Variants in CPLANE1 observed in about 807,000 individuals in gnomAD.
CPLANE1 encodes the protein ciliogenesis and planar polarity effector 1.
A neutral mutation model predicts 362.5 loss-of-function variants in CPLANE1; 263 were observed. The observed-to-expected ratio is 0.73, with a 90% confidence interval of 0.66 to 0.80. The LOEUF is 0.80. CPLANE1 is among the 30% of genes least tolerant of loss of function. CPLANE1 has a pLI of 0.00. For missense variants in CPLANE1, 3,461 were observed against 3,793.4 expected (o/e 0.91, Z 2.30); for synonymous variants, 1,212 against 1,302.6 (o/e 0.93, Z 1.50).
intron 21 of CPLANE1, among the ~76,000 whole-genome samples, chr5:37,188,838 T>C (rs1461791233): frequency 6.6e-6 from 1 of 152,140 alleles, no homozygotes; most frequent in Non-Finnish European, 1.5e-5. Context: ...TATGCCTTAA[T>C]TGTTTATTTT....
chr5:37,224,391 T>C, intron 13 of CPLANE1, 58 bp from the exon 14 acceptor site: 2 of 1,366,646 alleles, frequency 1.5e-6, no homozygotes, highest in Non-Finnish European at 2.0e-6. Context: ...CATAAAAATT[T>C]ACTTTGTTTT....
intron 32 of CPLANE1, 105 bp from the exon 33 acceptor site, chr5:37,170,436 T>C: frequency 8.3e-7 from 1 of 1,204,160 alleles, no homozygotes; most frequent in Non-Finnish European, 1.1e-6. Context: ...ACGTTTGTCT[T>C]AATATCTATG....
At chr5:37,194,042 C>G (rs1423139776) in intron 21 of CPLANE1, among the ~76,000 whole-genome samples, 1 of 151,944 alleles carries the variant, frequency 6.6e-6, no homozygotes, top group Non-Finnish European at 1.5e-5. Context: ...CTGCTTCAGC[C>G]TCTCGAGTAG....
intron 16 of CPLANE1, among the ~76,000 whole-genome samples, chr5:37,206,825 C>T (rs1790896439): frequency 6.6e-6 from 1 of 151,814 alleles, no homozygotes; most frequent in Non-Finnish European, 1.5e-5. Flanking sequence ...ACATGGGTCA[C>T]AATGTGCAAT....
In CPLANE1 at chr5:37,177,627, T is replaced by C. The variant is rs2151066033; in HGVS notation, c.5894A>G (p.Gln1965Arg). Residue 1965 changes from glutamine (Q) to arginine (R), a missense_variant, in exon 30 of 53, where the codon CAA becomes CGA. By Grantham distance (43) the Gln-to-Arg change is conservative. Coordinates refer to ENST00000651892, the MANE Select transcript of CPLANE1 (RefSeq NM_001384732.1). ...ATACTTTTTTCCCCCTTACCCTTTT[T>C]GTTCAGTCGATTTTTCCTCCATAAT... is the stretch of plus-strand genomic sequence containing the variant. The part of the protein sequence containing the change: ...ETIMEEKSTE[Q>R]KGMIEAFSHP... 1.2e-6 allele frequency: 2 copies of C among 1,613,184 alleles called. No individual in the cohort carries two copies. Among genetic ancestry groups the C allele is most frequent in the Non-Finnish European group, 1.7e-6 (2 of 1,179,162 alleles).
chr5:37,108,412 C>A lies in CPLANE1; in HGVS notation c.9460G>T (p.Ala3154Ser). 2 of 1,614,190 alleles carry A rather than the reference C, an allele frequency of 1.2e-6. No homozygotes were observed. The highest frequency in any genetic ancestry group is 1.1e-5 in the South Asian group (1 of 91,088). ...ACACACACCTGCTTGGTTTGAGGTG[C>A]AAGCCCAGCACTTCCATGTTTTTTT... is the stretch of plus-strand genomic sequence containing the variant. ...HTKKHGSAGL[A>S]PQTKQVCVEY... is the part of the protein sequence containing the mutation. Residue 3154 changes from alanine (A) to serine (S), a missense_variant, in exon 52 of 53, where the codon GCA (alanine) becomes TCA (serine). Physicochemically the swap from Ala to Ser is moderately conservative, Grantham distance 99. This residue lies in a region of CPLANE1 where 81 missense variants were observed against 127.3 expected (regional missense o/e 0.64). Coordinates refer to ENST00000651892, the MANE Select transcript of CPLANE1 (RefSeq NM_001384732.1).
intron 44 of CPLANE1, chr5:37,142,097 G>T: frequency 9.7e-7 from 1 of 1,035,182 alleles, no homozygotes. Flanking sequence ...GTTACACCAA[G>T]ATATGATACA....
intron 51 of CPLANE1, among the ~76,000 whole-genome samples, chr5:37,112,877 T>C (rs1178805843): frequency 1.3e-5 from 2 of 152,170 alleles, no homozygotes; most frequent in African/African-American, 4.8e-5. Flanking sequence ...GGCCTCATGT[T>C]AGATTATAAT....
chr5:37,210,476 T>C lies in CPLANE1; in HGVS notation c.2920+3083A>G, dbSNP rs61729349. The stretch of plus-strand genomic sequence containing the variant: ...TTAGAACTAATCGACTGATTGAAGA[T>C]GAAAGGAAGAATAAAGAAAAAGCTG... On this transcript the variant is annotated intron_variant, in intron 16 of 52. Coordinates refer to ENST00000651892, the MANE Select transcript of CPLANE1 (RefSeq NM_001384732.1). 1.1e-4 allele frequency: 126 copies of C among 1,158,720 alleles called. No individual in the cohort carries two copies. The African/African-American group carries it at 1.6e-3, about 15-fold the overall frequency. The allele number at this position is 1,158,720 out of a possible 1,614,324, so 71.8% of individuals were successfully genotyped here.
chr5:37,085,984 T>G, the CPLANE1 span: 16 of 592,238 alleles, frequency 2.7e-5, no homozygotes, highest in African/African-American at 2.4e-4. Context: ...TAAAAGGACT[T>G]GTCCAACAGG....
intron 38 of CPLANE1, 112 bp downstream of exon 38, chr5:37,162,353 T>C: frequency 1.5e-6 from 1 of 659,380 alleles, no homozygotes; most frequent in Non-Finnish European, 2.6e-6. Context: ...GCAGAGTAAA[T>C]AATATCACAT....
intron 27 of CPLANE1, 48 bp downstream of exon 27, chr5:37,180,809 C>T: frequency 6.4e-7 from 1 of 1,574,746 alleles, no homozygotes; most frequent in Non-Finnish European, 8.7e-7. Flanking sequence ...CAAATGCCAT[C>T]AAACTACATG....
At chr5:37,085,115 G>T in the CPLANE1 span, 1 of 746,524 alleles carries the variant, frequency 1.3e-6, no homozygotes, top group Non-Finnish European at 2.5e-6. Flanking sequence ...ATTGGATGCT[G>T]GATAAATTGA....
downstream of CPLANE1, among the ~76,000 whole-genome samples, chr5:37,105,884 C>T (rs552155052): frequency 5.3e-5 from 8 of 152,128 alleles, no homozygotes; most frequent in African/African-American, 1.7e-4. Context: ...AGATGACATA[C>T]GAATGGCCAA....
the CPLANE1 span, among the ~76,000 whole-genome samples, chr5:37,078,435 T>C: frequency 4.6e-5 from 7 of 152,208 alleles, no homozygotes; most frequent in African/African-American, 1.7e-4. Context: ...GTACAGTATT[T>C]TATTTGTCCA....
In CPLANE1 at chr5:37,144,720, G is replaced by A. The variant is rs574456072; in HGVS notation, c.8462-2240C>T. ...CAAAAAATTAGCCGGGCGCGGTGGC[G>A]GGCACCTGTAGTCCCAGCTACTCAG... On this transcript the variant is annotated intron_variant, in intron 43 of 52. Transcript: ENST00000651892. Among the ~76,000 whole-genome samples, 29 of 150,688 alleles carry A rather than the reference G, an allele frequency of 1.9e-4. No homozygotes were observed. In the East Asian group the frequency reaches 2.0e-3, roughly 10 times the overall value.
chr5:37,166,412 G>A (rs1580343934), intron 35 of CPLANE1, among the ~76,000 whole-genome samples: 1 of 152,100 alleles, frequency 6.6e-6, no homozygotes. Context: ...CTTATCCATG[G>A]TTTCACTTTC....
In CPLANE1 at chr5:37,151,602, C is replaced by T. The variant is rs117286355; in HGVS notation, c.8373+2138G>A. Among the ~76,000 whole-genome samples, 228 of 152,242 alleles carry T rather than the reference C, an allele frequency of 1.5e-3. 3 individuals are homozygous for T. The East Asian group carries it at 0.039, about 26-fold the overall frequency. On this transcript the variant is annotated intron_variant, in intron 42 of 52. Coordinates refer to ENST00000651892, the MANE Select transcript of CPLANE1 (RefSeq NM_001384732.1). ...AGCAAGCCAGGATCAAGACTAGATT[C>T]GGGTATAAATCAAATATCTGGCTGT...
At chr5:37,188,416 C>T (rs1227183626) in intron 21 of CPLANE1, among the ~76,000 whole-genome samples, 3 of 152,148 alleles carry the variant, frequency 2.0e-5, no homozygotes, top group Non-Finnish European at 4.4e-5. Flanking sequence ...ACCTTTTCAA[C>T]GGGGTGGTGT....
Sources: gnomAD v4.1 joint callset for allele counts (sites outside exome capture counted in the v4.1 genomes callset) on GRCh38, gnomAD v4.1.1 for gene constraint, gnomAD v4.1.1 regional missense constraint, MANE v1.5 for transcripts, NCBI Gene and HGNC (gene_info 2026-07-23, HGNC 2026-07-21) for gene names.